Variants in LRTM3 observed in about 807,000 individuals in gnomAD.
LRTM3 encodes leucine-rich repeat transmembrane protein 3.
At chr13:102,739,235 C>G in the LRTM3 span, 1 of 1,550,338 alleles carries the variant, frequency 6.5e-7, no homozygotes, top group Admixed American at 2.0e-5. Context: ...CAGTAAATGT[C>G]TAAAAAGTGA....
chr13:102,755,951 A>G, the LRTM3 span, among the ~76,000 whole-genome samples: 1,727 of 60,898 alleles, frequency 0.028, 21 homozygotes, highest in African/African-American at 0.057. Context: ...ACATATATAT[A>G]TATATATATA....
chr13:102,739,430 G>A, the LRTM3 span: 3 of 1,550,334 alleles, frequency 1.9e-6, no homozygotes, highest in Admixed American at 3.9e-5. Context: ...GAGCTTTAGT[G>A]GTGGAAGGCA....
the LRTM3 span, chr13:102,739,363 A>G: frequency 6.5e-7 from 1 of 1,549,860 alleles, no homozygotes; most frequent in Non-Finnish European, 8.7e-7. Flanking sequence ...CATTACTTAA[A>G]CTGTCTCTAT....
At chr13:102,740,924 G>A in the LRTM3 span, 1 of 1,549,886 alleles carries the variant, frequency 6.5e-7, no homozygotes, top group Non-Finnish European at 8.7e-7. Flanking sequence ...ACTTTCTTGT[G>A]GATGTTCTTT....
the LRTM3 span, chr13:102,742,406 C>T: frequency 1.9e-6 from 3 of 1,546,602 alleles, no homozygotes; most frequent in Middle Eastern, 1.7e-4. Flanking sequence ...TCCTGAGACA[C>T]ACAGCTCTTG....
the LRTM3 span, among the ~76,000 whole-genome samples, chr13:102,753,938 G>C: frequency 6.6e-6 from 1 of 152,042 alleles, no homozygotes. Context: ...AGGCTGGGCG[G>C]GGTGGCTCAC....
the LRTM3 span, chr13:102,744,157 G>A: frequency 6.5e-7 from 1 of 1,550,358 alleles, no homozygotes; most frequent in African/African-American, 1.4e-5. Context: ...TTTTCTTTCT[G>A]TGGTTTTCTG....
the LRTM3 span, chr13:102,741,079 T>G: frequency 2.1e-5 from 32 of 1,550,022 alleles, no homozygotes; most frequent in Non-Finnish European, 2.6e-5. Flanking sequence ...TCTTGGGATT[T>G]TCAATATAAA....
chr13:102,749,530 A>C, the LRTM3 span: 1 of 1,551,320 alleles, frequency 6.4e-7, no homozygotes, highest in African/African-American at 1.4e-5. Context: ...CTAAGTGTTC[A>C]TCAGACTCCA....
chr13:102,737,064 C>A, the LRTM3 span: 1 of 1,551,114 alleles, frequency 6.4e-7, no homozygotes, highest in Non-Finnish European at 8.7e-7. Context: ...GTTAGTACTT[C>A]TCTAGTTTTT....
chr13:102,735,224 T>C, the LRTM3 span: 20 of 1,551,248 alleles, frequency 1.3e-5, no homozygotes, highest in East Asian at 7.3e-5. Flanking sequence ...ATACATTTTG[T>C]TGGGATCCAG....
chr13:102,753,021 T>A, the LRTM3 span, among the ~76,000 whole-genome samples: 1 of 152,044 alleles, frequency 6.6e-6, no homozygotes, highest in Non-Finnish European at 1.5e-5. Context: ...GTGATGCACA[T>A]GCGTGTTTAT....
chr13:102,741,029 A>G, the LRTM3 span: 1 of 1,550,244 alleles, frequency 6.5e-7, no homozygotes, highest in Non-Finnish European at 8.7e-7. Context: ...CATTGGGCTT[A>G]GAACTTTTGA....
the LRTM3 span, chr13:102,730,272 C>G: frequency 6.4e-7 from 1 of 1,551,362 alleles, no homozygotes; most frequent in Non-Finnish European, 8.7e-7. Context: ...AGAATGTTTT[C>G]TGATTCCTGA....
the LRTM3 span, chr13:102,732,165 A>G: frequency 1.3e-6 from 2 of 1,551,026 alleles, no homozygotes; most frequent in Non-Finnish European, 1.7e-6. Context: ...GTGTTTGGTG[A>G]TTTTTCCTGG....
the LRTM3 span, chr13:102,742,656 C>A: frequency 6.4e-7 from 1 of 1,550,678 alleles, no homozygotes; most frequent in South Asian, 1.2e-5. Flanking sequence ...ACAGCATAAC[C>A]TGCAGTATCA....
chr13:102,758,807 A>G, the LRTM3 span: 1 of 1,549,904 alleles, frequency 6.5e-7, no homozygotes, highest in Non-Finnish European at 8.7e-7. Flanking sequence ...GTAAAATTAT[A>G]AAGAAAATTG....
the LRTM3 span, chr13:102,731,090 T>C: frequency 1.3e-6 from 2 of 1,551,400 alleles, no homozygotes; most frequent in Non-Finnish European, 1.7e-6. Context: ...TTGGAGGGTA[T>C]GAGGCAATAG....
At chr13:102,741,033 C>A in the LRTM3 span, 1 of 1,550,150 alleles carries the variant, frequency 6.5e-7, no homozygotes, top group Non-Finnish European at 8.7e-7. Flanking sequence ...GGGCTTAGAA[C>A]TTTTGAACTC....
Sources: allele counts gnomAD v4.1 joint callset (sites outside exome capture counted in the v4.1 genomes callset), GRCh38; gene constraint gnomAD v4.1.1; transcripts MANE v1.5; gene names NCBI Gene and HGNC (gene_info 2026-07-23, HGNC 2026-07-21).